Variants in SLC9C2 observed in about 807,000 individuals in gnomAD.
The protein encoded by SLC9C2 is solute carrier family 9 member C2 (putative).
In SLC9C2, 75 loss-of-function variants were observed where a neutral mutation model predicts 140.2. The observed-to-expected ratio is 0.53, with a 90% CI of 0.44 to 0.65. SLC9C2 has a LOEUF of 0.65. Among genes scored for constraint, SLC9C2 ranks in the 30% least tolerant of loss-of-function variants. The pLI, the probability that SLC9C2 is intolerant of heterozygous loss-of-function variation, is 0.00. For synonymous variants in SLC9C2, 375 were observed against 420.9 expected, an observed-to-expected ratio of 0.89 and a Z score of 1.34; for missense variants, 1,074 against 1,331.8, an observed-to-expected ratio of 0.81 and a Z score of 3.01.
chr1:173,536,717 T>A (rs1201326771), intron 14 of SLC9C2, among the ~76,000 whole-genome samples: 1 of 152,022 alleles, frequency 6.6e-6, no homozygotes, highest in Non-Finnish European at 1.5e-5. Context: ...TCCCCTAATG[T>A]CACCAAGGTT....
At chr1:173,522,299 T>A (rs1467550500) in intron 21 of SLC9C2, among the ~76,000 whole-genome samples, 2 of 152,054 alleles carry the variant, frequency 1.3e-5, no homozygotes, top group African/African-American at 2.4e-5. Context: ...ACAGGACAGC[T>A]AAGCTGAGAC....
chr1:173,513,815 C>T (rs1028098039), intron 23 of SLC9C2, among the ~76,000 whole-genome samples: 1 of 149,612 alleles, frequency 6.7e-6, no homozygotes, highest in Non-Finnish European at 1.5e-5. Context: ...CCTCTTAACA[C>T]TGCTTTAGCT....
intron 9 of SLC9C2, among the ~76,000 whole-genome samples, chr1:173,566,782 GTTT>G (rs201850319): frequency 2.8e-5 from 4 of 142,440 alleles, no homozygotes; most frequent in African/African-American, 1.0e-4. Context: ...TTTGCTTGGA[GTTT>G]TTTTTTTTTC....
chr1:173,566,355 A>T (rs188282793), intron 9 of SLC9C2, among the ~76,000 whole-genome samples: 4 of 152,084 alleles, frequency 2.6e-5, no homozygotes, highest in Admixed American at 1.3e-4. Flanking sequence ...TTTTGATCTC[A>T]TTACTTGTTA....
At chr1:173,583,902 A>G (rs1665700834) in intron 5 of SLC9C2, among the ~76,000 whole-genome samples, 1 of 152,232 alleles carries the variant, frequency 6.6e-6, no homozygotes, top group East Asian at 1.9e-4. Flanking sequence ...AATACTTCTC[A>G]AGATACCACA....
chr1:173,581,820 T>C (rs779333112), intron 7 of SLC9C2, 27 bp downstream of exon 7: 1 of 1,489,814 alleles, frequency 6.7e-7, no homozygotes, highest in Non-Finnish European at 9.0e-7. Context: ...TTAAGGACAG[T>C]AATTTTTGTA....
At chr1:173,567,638 G>A (rs1664563392) in intron 9 of SLC9C2, among the ~76,000 whole-genome samples, 1 of 152,034 alleles carries the variant, frequency 6.6e-6, no homozygotes, top group South Asian at 2.1e-4. Context: ...TGATTGGAGA[G>A]TTTAGTCCAT....
In SLC9C2 at chr1:173,587,774, G is replaced by A. The variant is rs761286007; in HGVS notation, c.414C>T (p.Val138=). 4.3e-6 allele frequency: 7 copies of A among 1,612,820 alleles called. No individual in the cohort carries two copies. The highest frequency in any genetic ancestry group is 1.7e-4 in the Middle Eastern group (1 of 6,054). Residue 138 remains valine, a synonymous_variant, in exon 5 of 28, where the codon GTC becomes GTT. Coordinates refer to ENST00000367714, the MANE Select transcript of SLC9C2 (RefSeq NM_178527.4). ...FSTASIIIGY[V]VIKFNKDSWD... ...ATGAATCTTTATTGAATTTTATAAC[G>A]ACATATCCAATTATGATGCTTGCTG...
At chr1:173,531,483 C>T (rs1661579693) in intron 17 of SLC9C2, among the ~76,000 whole-genome samples, 1 of 152,222 alleles carries the variant, frequency 6.6e-6, no homozygotes, top group South Asian at 2.1e-4. Flanking sequence ...CCAACTACCA[C>T]CAGACTCCTG....
Position 173,536,935 on chromosome 1 carries a change from T to A in SLC9C2, c.1655+7A>T. 6.3e-7 allele frequency: 1 copy of A among 1,598,992 alleles called. No homozygotes were observed. Among genetic ancestry groups the A allele is most frequent in the African/African-American group, 1.3e-5 (1 of 74,660 alleles). The stretch of plus-strand genomic sequence containing the variant: ...GGAAATATCAATTAAAGAAGTGTTA[T>A]ACTTACTTTCCTTGGATGGAGTAAT... On this transcript the variant is annotated splice_region_variant and intron_variant, in intron 14 of 27. Coordinates refer to ENST00000367714, the MANE Select transcript of SLC9C2 (RefSeq NM_178527.4).
rs142328391 is a variant in SLC9C2 at position 173,531,927 on chromosome 1, C to T, written c.2163+1682G>A. ...AAGTCTTTGCATCACACAACACATC[C>T]TGATTTCTAGGACAGTTTACATGAC... On this transcript the variant is annotated intron_variant, in intron 17 of 27. Coordinates refer to ENST00000367714, the MANE Select transcript of SLC9C2 (RefSeq NM_178527.4). 1.6e-3 allele frequency among the ~76,000 whole-genome samples: 246 copies of T among 152,306 alleles called. 1 individual carries two copies. The highest frequency in any genetic ancestry group is 5.5e-3 in the African/African-American group (228 of 41,560).
chr1:173,601,691 T>G lies in SLC9C2; in HGVS notation c.86A>C (p.Lys29Thr). The change falls in exon 2 of 28, where the codon AAA becomes ACA. Residue 29 changes from lysine to threonine, a missense_variant. Transcript: ENST00000367714. The part of the protein sequence containing the change: ...GQPADYLVEE[K>T]HFTTLVCFIV... ...GAAGCATACAAGCGTTGTGAAATGT[T>G]TCTCTTCAACAAGGTAGTCAGCTGG... is the stretch of plus-strand genomic sequence containing the variant. 6.2e-7 allele frequency: 1 copy of G among 1,614,118 alleles called. No individual in the cohort carries two copies. Among genetic ancestry groups the G allele is most frequent in the South Asian group, 1.1e-5 (1 of 91,068 alleles).
intron 9 of SLC9C2, among the ~76,000 whole-genome samples, chr1:173,564,462 G>A (rs1480263097): frequency 6.6e-6 from 1 of 151,948 alleles, no homozygotes; most frequent in Admixed American, 6.6e-5. Flanking sequence ...AATGACGTTG[G>A]GCACATTTTC....
Position 173,603,026 on chromosome 1 carries a change from A to C in SLC9C2, c.-355T>G, listed in dbSNP as rs1666873601. ...ATGAAGGCTCTCAAAATCCCAAAGAACAATGCACAGTTATGCGTCTGTTTG... is the reference window on the plus strand; with the variant it reads ...ATGAAGGCTCTCAAAATCCCAAAGACCAATGCACAGTTATGCGTCTGTTTG... On this transcript the variant is annotated 5_prime_UTR_variant, in exon 1 of 28. Coordinates refer to ENST00000367714, the MANE Select transcript of SLC9C2 (RefSeq NM_178527.4). 2 of 152,216 alleles carry C rather than the reference A, an allele frequency of 1.3e-5. No individual in the cohort carries two copies. The highest frequency in any genetic ancestry group is 4.1e-4 in the South Asian group (2 of 4,832). 9.4% of individuals were successfully genotyped at this position (152,216 alleles called of 1,614,324 possible).
At position 173,547,769 on chromosome 1, in the gene SLC9C2, G is replaced by A. The variant is rs779240801; in HGVS notation, c.1477C>T (p.His493Tyr). The A allele has an allele frequency of 5.6e-6, 9 of 1,609,950 alleles. No homozygotes were observed. The highest frequency in any genetic ancestry group is 7.6e-6 in the Non-Finnish European group (9 of 1,177,064). Residue 493 changes from histidine to tyrosine, a missense_variant, in exon 13 of 28, where the codon CAT becomes TAT. By Grantham distance (83) the His-to-Tyr change is moderately conservative (BLOSUM62 2). Coordinates refer to ENST00000367714, the MANE Select transcript of SLC9C2 (RefSeq NM_178527.4). ...GTGGATTCTGTCTTCATATCATTAT[G>A]TGAAACGTGGGAAAACTGAACCGTA... The part of the protein sequence containing the change: ...IEYIPFSHVS[H>Y]NDMKTESTTD...
At chr1:173,550,429 T>C (rs1367609194) in intron 11 of SLC9C2, among the ~76,000 whole-genome samples, 1 of 121,916 alleles carries the variant, frequency 8.2e-6, no homozygotes, top group Non-Finnish European at 1.6e-5. Context: ...ATTTTATTTA[T>C]TTATTTATTT....
At chr1:173,549,676 A>G (rs1198577689) in intron 11 of SLC9C2, among the ~76,000 whole-genome samples, 2 of 152,252 alleles carry the variant, frequency 1.3e-5, no homozygotes, top group African/African-American at 2.4e-5. Context: ...CAAGTCCGAC[A>G]AGCACCTGTT....
chr1:173,585,895 G>C (rs987188688), intron 5 of SLC9C2, among the ~76,000 whole-genome samples: 1 of 152,068 alleles, frequency 6.6e-6, no homozygotes, highest in Admixed American at 6.5e-5. Context: ...TTAAACCCAG[G>C]GGGTGGAGGT....
chr1:173,587,093 A>G (rs1421369203), intron 5 of SLC9C2, among the ~76,000 whole-genome samples: 1 of 152,160 alleles, frequency 6.6e-6, no homozygotes. Context: ...ACCTTACCAA[A>G]TAATATGGGA....
Sources: allele counts gnomAD v4.1 joint callset (sites outside exome capture counted in the v4.1 genomes callset), GRCh38; gene constraint gnomAD v4.1.1; transcripts MANE v1.5; gene names NCBI Gene and HGNC (gene_info 2026-07-23, HGNC 2026-07-21).